The following BCAR3 variants were observed in gnomAD, a reference collection of about 807,000 sequenced individuals.
BCAR3 encodes BCAR3 adaptor protein, NSP family member.
In BCAR3, 37 loss-of-function variants were observed where a neutral mutation model predicts 80.1. The observed-to-expected ratio is 0.46, with a 90% CI of 0.36 to 0.61. The LOEUF (loss-of-function observed/expected upper bound fraction) is 0.61, where lower values mean the gene tolerates loss of function less well. Among genes scored for constraint, BCAR3 ranks in the 20% least tolerant of loss-of-function variants. The pLI is 0.00. For synonymous variants in BCAR3, 389 were observed against 418.9 expected, an observed-to-expected ratio of 0.93 and a Z score of 0.87; for missense variants, 978 against 1,068.2, an observed-to-expected ratio of 0.92 and a Z score of 1.18.
intron 2 of BCAR3, among the ~76,000 whole-genome samples, chr1:93,822,821 C>CCCCCAGGCCATGCGAGCAGAGG (rs1489191561): frequency 2.9e-5 from 4 of 136,672 alleles, no homozygotes; most frequent in Non-Finnish European, 5.0e-5. Flanking sequence ...ACCTACCCAT[C>CCCCCAGGCCATGCGAGCAGAGG]AACTCATCAC....
At chr1:93,832,668 C>T (rs1003737974) in intron 2 of BCAR3, among the ~76,000 whole-genome samples, 4 of 152,248 alleles carry the variant, frequency 2.6e-5, no homozygotes, top group African/African-American at 7.2e-5. Context: ...TTTTCAAGGG[C>T]GTGTTTCCCT....
intron 2 of BCAR3, among the ~76,000 whole-genome samples, chr1:93,804,678 A>G (rs1653602935): frequency 6.6e-6 from 1 of 152,204 alleles, no homozygotes; most frequent in Non-Finnish European, 1.5e-5. Flanking sequence ...GAAATTGTTT[A>G]TTTCTGGAAT....
intron 2 of BCAR3, among the ~76,000 whole-genome samples, chr1:93,779,452 G>A (rs1159357837): frequency 6.6e-6 from 1 of 152,148 alleles, no homozygotes; most frequent in Non-Finnish European, 1.5e-5. Context: ...AGGATGAGTC[G>A]GTGGACATAA....
intron 2 of BCAR3, among the ~76,000 whole-genome samples, chr1:93,671,982 A>G (rs1024268687): frequency 6.6e-6 from 1 of 152,176 alleles, no homozygotes; most frequent in Non-Finnish European, 1.5e-5. Flanking sequence ...CTTCTCACTC[A>G]GCACAATTTT....
chr1:93,757,772 C>T (rs1651795856), intron 2 of BCAR3, among the ~76,000 whole-genome samples: 1 of 152,222 alleles, frequency 6.6e-6, no homozygotes, highest in Admixed American at 6.5e-5. Context: ...CTGCAGAATG[C>T]ACATGCTGGC....
At chr1:93,625,815 C>T (rs892873796) in intron 3 of BCAR3, among the ~76,000 whole-genome samples, 2 of 152,180 alleles carry the variant, frequency 1.3e-5, no homozygotes, top group African/African-American at 4.8e-5. Flanking sequence ...GCCAGCAAAT[C>T]CACACTGGGA....
At chr1:93,608,205 A>G (rs1162305531) in intron 3 of BCAR3, among the ~76,000 whole-genome samples, 7 of 152,236 alleles carry the variant, frequency 4.6e-5, no homozygotes, top group African/African-American at 1.7e-4. Context: ...AAAATAGGCC[A>G]TAAGATTCTC....
Position 93,836,982 on chromosome 1 carries a change from C to T in BCAR3, c.-63+8585G>A, listed in dbSNP as rs1011942504. On this transcript the variant is annotated intron_variant, in intron 2 of 13. Coordinates refer to the BCAR3 transcript ENST00000370244. Reference sequence around the variant, plus strand: ...AAAACTGCCCCACCCCATCTCCCTTCGCTGACTCTCTTTTCAGACTCAGCC... The same window carrying T: ...AAAACTGCCCCACCCCATCTCCCTTTGCTGACTCTCTTTTCAGACTCAGCC... 9.2e-5 allele frequency among the ~76,000 whole-genome samples: 14 copies of T among 152,288 alleles called. No homozygotes were observed. In the East Asian group the frequency reaches 1.4e-3, roughly 15 times the overall value.
intron 1 of BCAR3, among the ~76,000 whole-genome samples, chr1:93,679,238 G>A (rs546743192): frequency 1.3e-5 from 2 of 152,310 alleles, no homozygotes; most frequent in Non-Finnish European, 2.9e-5. Flanking sequence ...TAAATAGCAG[G>A]TCCCCTCTAA....
intron 3 of BCAR3, among the ~76,000 whole-genome samples, chr1:93,627,569 C>T (rs573648433): frequency 5.1e-4 from 77 of 152,328 alleles, no homozygotes; most frequent in African/African-American, 1.6e-3. Flanking sequence ...TGTGTTCTAT[C>T]AGACACTAAA....
In BCAR3 at chr1:93,753,543, TACACACACACACAC is replaced by T. The variant is rs5776188; in HGVS notation, c.-62-47415_-62-47402del. The T allele has an allele frequency of 9.4e-3, 1,297 of 137,612 alleles. 21 individuals are homozygous for T. Among genetic ancestry groups the T allele is most frequent in the African/African-American group, 0.027 (1,011 of 36,784 alleles). The allele number at this position is 137,612 out of a possible 1,614,324, so 8.5% of individuals were successfully genotyped here. A position where few individuals can be genotyped will look rare whatever the true frequency, so the allele number is the denominator to read the frequency against. On this transcript the variant is annotated intron_variant, in intron 2 of 13. Transcript: ENST00000370244. ...CTGCATGCGCGCATATGCACGCGGG[TACACACACACACAC>T]ACACACACACACACACACACACACA...
rs1013061837 is a variant in BCAR3 at position 93,567,496 on chromosome 1, A to G, written c.2087-5T>C. On this transcript the variant is annotated splice_polypyrimidine_tract_variant and splice_region_variant and intron_variant, in intron 10 of 11. Transcript: ENST00000260502. ...TTGGGGGAACACATGTGGACTCTGAAGAATAAGGAGTAGAGTTTTCCATAT... is the reference window on the plus strand; with the variant it reads ...TTGGGGGAACACATGTGGACTCTGAGGAATAAGGAGTAGAGTTTTCCATAT... 2.3e-5 allele frequency: 37 copies of G among 1,613,690 alleles called. No homozygotes were observed. The highest frequency in any genetic ancestry group is 3.1e-5 in the Non-Finnish European group (36 of 1,179,750).
chr1:93,814,217 GC>G (rs1476721568), intron 2 of BCAR3, among the ~76,000 whole-genome samples: 3 of 152,168 alleles, frequency 2.0e-5, no homozygotes, highest in Non-Finnish European at 4.4e-5. Flanking sequence ...TCACTTCTTG[GC>G]CTTTTGGCTA....
intron 2 of BCAR3, among the ~76,000 whole-genome samples, chr1:93,766,745 T>C (rs1182671074): frequency 1.3e-5 from 2 of 152,262 alleles, no homozygotes; most frequent in African/African-American, 2.4e-5. Context: ...GCTGGATCTT[T>C]TAAAGTCTAT....
At chr1:93,814,288 G>A (rs1426279876) in intron 2 of BCAR3, among the ~76,000 whole-genome samples, 12 of 152,164 alleles carry the variant, frequency 7.9e-5, no homozygotes, top group Non-Finnish European at 1.6e-4. Context: ...ATTGACAAAG[G>A]ACCAGATGCC....
At position 93,819,989 on chromosome 1, in the gene BCAR3, G is replaced by C. The variant is rs142179262; in HGVS notation, c.-63+25578C>G. ...TGTGTCCATGTGTACTCAATGTTTA[G>C]CTCCATTTATAAATGAGAACATGTG... On this transcript the variant is annotated intron_variant, in intron 2 of 13. Coordinates refer to the BCAR3 transcript ENST00000370244. Among the ~76,000 whole-genome samples, 12 of 152,200 alleles carry C rather than the reference G, an allele frequency of 7.9e-5. No individual in the cohort carries two copies. The East Asian group carries it at 2.3e-3, about 29-fold the overall frequency.
intron 2 of BCAR3, among the ~76,000 whole-genome samples, chr1:93,821,549 A>T (rs1339764250): frequency 6.6e-6 from 1 of 152,214 alleles, no homozygotes; most frequent in Admixed American, 6.5e-5. Flanking sequence ...CTGGGTGGTG[A>T]AATGTTAGAG....
chr1:93,564,043 T>C (rs980527024), intron 11 of BCAR3, among the ~76,000 whole-genome samples: 13 of 152,148 alleles, frequency 8.5e-5, no homozygotes, highest in African/African-American at 2.9e-4. Context: ...TGGTATCTCA[T>C]TGTGGTTGGT....
chr1:93,714,108 G>T (rs1327006901), intron 2 of BCAR3, among the ~76,000 whole-genome samples: 1 of 151,928 alleles, frequency 6.6e-6, no homozygotes, highest in Non-Finnish European at 1.5e-5. Context: ...TCAGCCTCCC[G>T]AGTAGCTGGG....
Sources: allele counts gnomAD v4.1 joint callset (sites outside exome capture counted in the v4.1 genomes callset), GRCh38; gene constraint gnomAD v4.1.1; transcripts MANE v1.5; gene names NCBI Gene and HGNC (gene_info 2026-07-23, HGNC 2026-07-21).